SDK1: variants seen among roughly 807,000 people sequenced by gnomAD.
SDK1 encodes the protein protein sidekick-1.
SDK1 carries 157 observed loss-of-function variants against 245.5 expected under a neutral mutation model. The ratio of observed to expected loss-of-function variants is 0.64; its 90% CI spans 0.56 to 0.73. The LOEUF (loss-of-function observed/expected upper bound fraction) is 0.73, where lower values mean the gene tolerates loss of function less well. Ranked by LOEUF, SDK1 falls within the 30% of genes least tolerant of loss-of-function variation. The pLI is 0.00. For synonymous variants in SDK1, 1,647 were observed against 1,278.5 expected (o/e 1.29, Z -6.15); for missense variants, 3,583 against 3,002.3 (o/e 1.19, Z -4.52).
At chr7:4,198,742 C>A (rs1222346509) in intron 35 of SDK1, among the ~76,000 whole-genome samples, 3 of 151,998 alleles carry the variant, frequency 2.0e-5, no homozygotes, top group African/African-American at 4.8e-5. Context: ...AAGTTCATAT[C>A]GAGCTCATTC....
At chr7:3,825,108 T>G (rs1014097604) in intron 5 of SDK1, among the ~76,000 whole-genome samples, 4 of 152,130 alleles carry the variant, frequency 2.6e-5, no homozygotes, top group Non-Finnish European at 5.9e-5. Context: ...GAATTTTTCA[T>G]GGCCAGCTCC....
At chr7:3,972,942 G>C (rs918190679) in intron 12 of SDK1, among the ~76,000 whole-genome samples, 1 of 152,176 alleles carries the variant, frequency 6.6e-6, no homozygotes, top group South Asian at 2.1e-4. Flanking sequence ...CCCTGGAGAC[G>C]GTCGTCAGGC....
chr7:4,036,887 T>G (rs546311174), intron 17 of SDK1, among the ~76,000 whole-genome samples: 1 of 152,338 alleles, frequency 6.6e-6, no homozygotes, highest in Non-Finnish European at 1.5e-5. Context: ...CAGTCTATGA[T>G]ATTTTTGTTA....
chr7:3,774,723 G>GA (rs1235382950), intron 4 of SDK1, among the ~76,000 whole-genome samples: 1 of 151,940 alleles, frequency 6.6e-6, no homozygotes, highest in African/African-American at 2.4e-5. Flanking sequence ...TTTATAATCT[G>GA]AAAAAAATAG....
chr7:4,095,963 C>T (rs1782126270), intron 22 of SDK1, among the ~76,000 whole-genome samples: 1 of 152,184 alleles, frequency 6.6e-6, no homozygotes, highest in African/African-American at 2.4e-5. Context: ...TTTGGGGGCC[C>T]ACCAGTCCCT....
At chr7:3,421,051 T>C (rs1779520971) in intron 1 of SDK1, among the ~76,000 whole-genome samples, 1 of 151,866 alleles carries the variant, frequency 6.6e-6, no homozygotes, top group Non-Finnish European at 1.5e-5. Context: ...AATTAAAGCT[T>C]TTATCAATTT....
At chr7:4,062,147 A>G (rs900332866) in intron 19 of SDK1, among the ~76,000 whole-genome samples, 12 of 152,112 alleles carry the variant, frequency 7.9e-5, no homozygotes, top group African/African-American at 2.9e-4. Flanking sequence ...ATAATAATAA[A>G]AACAATACAA....
chr7:4,151,430 C>G (rs1780374859), intron 30 of SDK1, among the ~76,000 whole-genome samples: 1 of 152,244 alleles, frequency 6.6e-6, no homozygotes, highest in South Asian at 2.1e-4. Flanking sequence ...CAGGGCACAA[C>G]ATCTGGTGAG....
At chr7:4,024,758 C>T (rs996162381) in intron 17 of SDK1, among the ~76,000 whole-genome samples, 8 of 152,192 alleles carry the variant, frequency 5.3e-5, no homozygotes, top group African/African-American at 1.9e-4. Context: ...ATGCCGGAGC[C>T]GAAACTTAAG....
intron 44 of SDK1, among the ~76,000 whole-genome samples, chr7:4,250,905 T>C (rs1725019878): frequency 6.6e-6 from 1 of 152,172 alleles, no homozygotes; most frequent in South Asian, 2.1e-4. Flanking sequence ...TTTTCATCGC[T>C]CTAAAAAGAA....
chr7:4,108,407 C>G (rs1018697347), intron 22 of SDK1, among the ~76,000 whole-genome samples: 1 of 150,758 alleles, frequency 6.6e-6, no homozygotes, highest in East Asian at 1.9e-4. Flanking sequence ...TACCCCAGTG[C>G]TGAGAACTGG....
At chr7:3,725,804 G>A (rs1033706644) in intron 4 of SDK1, among the ~76,000 whole-genome samples, 3 of 152,152 alleles carry the variant, frequency 2.0e-5, no homozygotes, top group Non-Finnish European at 2.9e-5. Flanking sequence ...GCATGGTCAC[G>A]AATGACATGT....
chr7:3,386,575 A>C (rs1781615508), intron 1 of SDK1, among the ~76,000 whole-genome samples: 1 of 152,176 alleles, frequency 6.6e-6, no homozygotes, highest in African/African-American at 2.4e-5. Context: ...TTGTGGAAGT[A>C]GACTTTCTGA....
At position 4,102,205 on chromosome 7, in the gene SDK1, C is replaced by T. The variant is rs907655173; in HGVS notation, c.3325-8458C>T. On this transcript the variant is annotated intron_variant, in intron 22 of 44. Coordinates refer to ENST00000404826, the MANE Select transcript of SDK1 (RefSeq NM_152744.4). ...TTGTTTGAGGGAACTGGCCTCTGGG[C>T]CTTCCTGGTTTCCTGTGCCTTTACC... is the stretch of plus-strand genomic sequence containing the variant. Among the ~76,000 whole-genome samples the T allele has an allele frequency of 7.9e-5, 12 of 152,118 alleles. No homozygotes were observed. In the South Asian group the frequency reaches 1.7e-3, roughly 21 times the overall value.
At chr7:4,154,179 G>A (rs1780575996) in intron 30 of SDK1, among the ~76,000 whole-genome samples, 1 of 152,126 alleles carries the variant, frequency 6.6e-6, no homozygotes, top group Non-Finnish European at 1.5e-5. Flanking sequence ...GTCCTTCCCC[G>A]ACGCCCATTC....
intron 1 of SDK1, among the ~76,000 whole-genome samples, chr7:3,432,327 G>C (rs1007726985): frequency 1.3e-5 from 2 of 151,840 alleles, no homozygotes; most frequent in Non-Finnish European, 2.9e-5. Context: ...TCCTGCCCCA[G>C]TCAAGAATGA....
In SDK1 at chr7:3,774,058, C is replaced by CA. The variant is rs374822641; in HGVS notation, c.714-47385dup. Among the ~76,000 whole-genome samples, 642 of 151,702 alleles carry CA rather than the reference C, an allele frequency of 4.2e-3. 7 individuals carry two copies. The highest frequency in any genetic ancestry group is 0.015 in the African/African-American group (621 of 41,360). ...TGAAACCCTGTCTCTACTAAAAATA[C>CA]AAAAAAATTAGCCAGGCATGGTGGC... On this transcript the variant is annotated intron_variant, in intron 4 of 44. Transcript: ENST00000404826.
intron 1 of SDK1, among the ~76,000 whole-genome samples, chr7:3,335,419 T>C (rs926702843): frequency 1.7e-5 from 2 of 118,106 alleles, no homozygotes; most frequent in Non-Finnish European, 3.7e-5. Flanking sequence ...ATGGTACTTA[T>C]CTTTTTTTTT....
intron 18 of SDK1, 81 bp from the exon 19 acceptor site, chr7:4,051,557 A>C (rs1013105741): frequency 9.6e-6 from 12 of 1,244,484 alleles, no homozygotes; most frequent in Non-Finnish European, 1.3e-5. Context: ...TTTAAAAGAC[A>C]AAATAAAATT....
Sources: allele counts gnomAD v4.1 joint callset (sites outside exome capture counted in the v4.1 genomes callset), GRCh38; gene constraint gnomAD v4.1.1; transcripts MANE v1.5; gene names NCBI Gene and HGNC (gene_info 2026-07-23, HGNC 2026-07-21).